Variants in NAV1 observed in about 807,000 individuals in gnomAD.
NAV1 encodes the protein neuron navigator 1, also known as pore membrane and/or filament interacting like protein 3.
In NAV1, 18 loss-of-function variants were observed where a neutral mutation model predicts 175.2. That is an observed-to-expected ratio of 0.10 (90% CI 0.07 to 0.15). NAV1 has a LOEUF of 0.15. Ranked by LOEUF, NAV1 falls within the 10% of genes least tolerant of loss-of-function variation. The pLI, the probability that NAV1 is intolerant of heterozygous loss-of-function variation, is 1.00. For missense variants in NAV1, 1,731 were observed against 2,436.6 expected (o/e 0.71, Z 6.10); for synonymous variants, 897 against 978.7 (o/e 0.92, Z 1.56).
intron 1 of NAV1, among the ~76,000 whole-genome samples, chr1:201,695,146 C>T (rs1671135374): frequency 6.6e-6 from 1 of 152,246 alleles, no homozygotes; most frequent in African/African-American, 2.4e-5. Flanking sequence ...CTTCCATGCT[C>T]AGGCCTCTTG....
At chr1:201,734,528 G>GAAGAAGAAGAAGAAGAAGAAGAAA (rs1673026936) in intron 3 of NAV1, among the ~76,000 whole-genome samples, 1 of 151,772 alleles carries the variant, frequency 6.6e-6, no homozygotes. Flanking sequence ...AGAAGAAGAA[G>GAAGAAGAAGAAGAAGAAGAAGAAA]AAGATCATTT....
In NAV1 at chr1:201,654,839, G is replaced by T. The variant is rs563909874; in HGVS notation, c.757+5414G>T. 2.6e-5 allele frequency among the ~76,000 whole-genome samples: 4 copies of T among 152,204 alleles called. No individual in the cohort carries two copies. In the South Asian group the frequency reaches 8.3e-4, roughly 32 times the overall value. ...GTTTACACTCTCCTAGTGACAGAGGGCTCACTACCTTATTTTCCAGGAAAG... is the reference window on the plus strand; with the variant it reads ...GTTTACACTCTCCTAGTGACAGAGGTCTCACTACCTTATTTTCCAGGAAAG... On this transcript the variant is annotated intron_variant, in intron 1 of 29. Transcript: ENST00000367296.
At chr1:201,614,446 G>A (rs929416033) in intron 2 of NAV1, among the ~76,000 whole-genome samples, 2 of 152,240 alleles carry the variant, frequency 1.3e-5, no homozygotes, top group Non-Finnish European at 2.9e-5. Context: ...CGACTGGCCA[G>A]TTCTCCAGAC....
At chr1:201,567,570 A>C (rs1666393309) in intron 1 of NAV1, among the ~76,000 whole-genome samples, 1 of 152,188 alleles carries the variant, frequency 6.6e-6, no homozygotes, top group East Asian at 1.9e-4. Flanking sequence ...CTGAATCAGT[A>C]ATGAGACTCT....
chr1:201,643,380 T>C (rs976578320), upstream of NAV1, among the ~76,000 whole-genome samples: 7 of 145,452 alleles, frequency 4.8e-5, no homozygotes, highest in African/African-American at 1.7e-4. Context: ...TTCTTTCTTT[T>C]TCCTCTCCCT....
intron 1 of NAV1, among the ~76,000 whole-genome samples, chr1:201,704,058 C>T (rs1224118101): frequency 6.6e-6 from 1 of 152,194 alleles, no homozygotes; most frequent in Admixed American, 6.5e-5. Flanking sequence ...GCTTGTGGGT[C>T]CCCAGAACCT....
intron 1 of NAV1, among the ~76,000 whole-genome samples, chr1:201,657,684 C>T (rs1669458613): frequency 6.6e-6 from 1 of 152,132 alleles, no homozygotes; most frequent in South Asian, 2.1e-4. Flanking sequence ...ACTTAATACT[C>T]ACAATAATTC....
intron 1 of NAV1, among the ~76,000 whole-genome samples, chr1:201,651,454 A>G (rs1669202113): frequency 1.3e-5 from 2 of 152,168 alleles, no homozygotes; most frequent in South Asian, 4.2e-4. Context: ...GAGGAGGAGA[A>G]GCTGAGCTGT....
intron 3 of NAV1, among the ~76,000 whole-genome samples, chr1:201,761,347 G>C (rs908053870): frequency 3.3e-5 from 5 of 152,156 alleles, no homozygotes; most frequent in Non-Finnish European, 7.4e-5. Flanking sequence ...GCTTCATTCC[G>C]CGAAGAGAGA....
rs748347083 is a variant in NAV1 at position 201,803,562 on chromosome 1, CTA to C, written c.3518-29_3518-28del. 3.3e-5 allele frequency: 53 copies of C among 1,607,548 alleles called. No homozygotes were observed. The Admixed American group carries it at 6.3e-4, about 19-fold the overall frequency. On this transcript the variant is annotated intron_variant, in intron 15 of 29. Coordinates refer to ENST00000367296, the Ensembl canonical transcript of NAV1. ...GTCTCACATCCTCTCTAAATCTGTT[CTA>C]TGTTTTTCCCACTTGTACTTGGCCC... is the stretch of plus-strand genomic sequence containing the variant.
intron 3 of NAV1, among the ~76,000 whole-genome samples, chr1:201,735,093 C>T (rs532233249): frequency 6.6e-6 from 1 of 152,296 alleles, no homozygotes; most frequent in Non-Finnish European, 1.5e-5. Flanking sequence ...TAGGGCTGAG[C>T]TCTGGAACAC....
At chr1:201,580,080 G>C (rs922893899) in intron 1 of NAV1, among the ~76,000 whole-genome samples, 1 of 152,234 alleles carries the variant, frequency 6.6e-6, no homozygotes. Context: ...ATGTCCAAGG[G>C]CAAGAGGAGA....
chr1:201,755,733 T>C lies in NAV1; in HGVS notation c.1227-24688T>C, dbSNP rs540705683. On this transcript the variant is annotated intron_variant, in intron 3 of 29. Transcript: ENST00000367296. Reference sequence around the variant, plus strand: ...TAGTTGCTTTATGTCTGGAAAGACCTGGAAGGTGAAAGTCATTAAAATAAA... The same window carrying C: ...TAGTTGCTTTATGTCTGGAAAGACCCGGAAGGTGAAAGTCATTAAAATAAA... Among the ~76,000 whole-genome samples the C allele has an allele frequency of 7.2e-5, 11 of 152,298 alleles. No homozygotes were observed. In the South Asian group the frequency reaches 2.3e-3, roughly 32 times the overall value.
intron 1 of NAV1, among the ~76,000 whole-genome samples, chr1:201,711,797 C>T (rs1671919046): frequency 6.6e-6 from 1 of 152,192 alleles, no homozygotes; most frequent in Admixed American, 6.5e-5. Flanking sequence ...ATTATACTGT[C>T]CTTAGGGCCC....
At chr1:201,672,877 G>A (rs1469285083) in intron 1 of NAV1, among the ~76,000 whole-genome samples, 1 of 152,222 alleles carries the variant, frequency 6.6e-6, no homozygotes, top group Non-Finnish European at 1.5e-5. Context: ...AGACGCTCAA[G>A]CTCGACTGCC....
intron 3 of NAV1, among the ~76,000 whole-genome samples, chr1:201,720,162 G>A (rs1412448426): frequency 6.6e-6 from 1 of 152,196 alleles, no homozygotes; most frequent in Non-Finnish European, 1.5e-5. Flanking sequence ...GGGCAGGAAG[G>A]AGAGCCAAGG....
intron 3 of NAV1, among the ~76,000 whole-genome samples, chr1:201,720,886 T>A (rs539355177): frequency 6.6e-6 from 1 of 152,094 alleles, no homozygotes; most frequent in South Asian, 2.1e-4. Flanking sequence ...AGAGTCCCAC[T>A]TACTCAGCAT....
intron 3 of NAV1, among the ~76,000 whole-genome samples, chr1:201,732,148 C>T (rs1050741491): frequency 1.3e-5 from 2 of 151,926 alleles, no homozygotes; most frequent in Non-Finnish European, 2.9e-5. Flanking sequence ...ATCACTCTGT[C>T]ACCCAGGCTG....
At chr1:201,805,878 A>C (rs975232082) in intron 17 of NAV1, among the ~76,000 whole-genome samples, 3 of 152,094 alleles carry the variant, frequency 2.0e-5, no homozygotes, top group African/African-American at 7.2e-5. Context: ...CCAAGATTGC[A>C]TCACTGCACT....
Sources: allele counts gnomAD v4.1 joint callset (sites outside exome capture counted in the v4.1 genomes callset), GRCh38; gene constraint gnomAD v4.1.1; transcripts MANE v1.5; gene names NCBI Gene and HGNC (gene_info 2026-07-23, HGNC 2026-07-21).